FOXK1: variants seen among roughly 807,000 people sequenced by gnomAD.
The protein encoded by FOXK1 is forkhead box K1.
In FOXK1, 19 loss-of-function variants were observed where a neutral mutation model predicts 51.9. The ratio of observed to expected loss-of-function variants is 0.37; its 90% CI spans 0.26 to 0.54. FOXK1 has a LOEUF of 0.54. Ranked by LOEUF, FOXK1 falls within the 20% of genes least tolerant of loss-of-function variation. FOXK1 has a pLI of 0.87. For missense variants in FOXK1, 870 were observed against 1,032.7 expected (o/e 0.84, Z 2.16); for synonymous variants, 537 against 482.6 (o/e 1.11, Z -1.48).
At chr7:4,716,498 C>T (rs1321867003) in intron 1 of FOXK1, among the ~76,000 whole-genome samples, 1 of 152,060 alleles carries the variant, frequency 6.6e-6, no homozygotes, top group East Asian at 1.9e-4. Context: ...ACAGCAAGGC[C>T]CTGTGTCCCA....
rs1780111663 is a variant in FOXK1 at position 4,707,110 on chromosome 7, G to T, written c.560+24242G>T. ...ATGGCCACCTTCCAGTCTTAGAGAA[G>T]CAGCGATGTCTCCCCTCCGGGTTTC... is the stretch of plus-strand genomic sequence containing the variant. On this transcript the variant is annotated intron_variant, in intron 1 of 8. Coordinates refer to ENST00000328914, the MANE Select transcript of FOXK1 (RefSeq NM_001037165.2). This position sits in a 1 kb window ranked among gnomAD's most constrained non-coding sequence, Gnocchi z 4.1. 6.6e-6 allele frequency among the ~76,000 whole-genome samples: 1 copy of T among 152,254 alleles called. No homozygotes were observed. Among genetic ancestry groups the T allele is most frequent in the Non-Finnish European group, 1.5e-5 (1 of 68,050 alleles).
In FOXK1 at chr7:4,762,498, C is replaced by G; in HGVS notation, c.*34C>G. ...GCAACGCGGGGGAGTGGGACTCACC[C>G]AGCGGCGACCCCGAAGCTGGACCCG... On this transcript the variant is annotated 3_prime_UTR_variant, in exon 9 of 9. Coordinates refer to ENST00000328914, the MANE Select transcript of FOXK1 (RefSeq NM_001037165.2). This position sits in a 1 kb window ranked among gnomAD's most constrained non-coding sequence, Gnocchi z 5.7. The G allele has an allele frequency of 1.3e-6, 2 of 1,517,164 alleles. No homozygotes were observed. Among genetic ancestry groups the G allele is most frequent in the Non-Finnish European group, 1.8e-6 (2 of 1,126,488 alleles). 94.0% of individuals were successfully genotyped at this position (1,517,164 alleles called of 1,614,324 possible).
At chr7:4,688,420 A>T (rs1779848067) in intron 1 of FOXK1, among the ~76,000 whole-genome samples, 1 of 148,218 alleles carries the variant, frequency 6.7e-6, no homozygotes, top group East Asian at 2.0e-4. Flanking sequence ...TTTTTTTTTG[A>T]GACGGAGTCT....
At chr7:4,684,443 C>A (rs1439171561) in intron 1 of FOXK1, among the ~76,000 whole-genome samples, 1 of 152,168 alleles carries the variant, frequency 6.6e-6, no homozygotes, top group Non-Finnish European at 1.5e-5. Flanking sequence ...ATGACTCACT[C>A]CCCCTTGGGG....
chr7:4,724,270 A>T (rs970412875), intron 1 of FOXK1, among the ~76,000 whole-genome samples: 6 of 152,110 alleles, frequency 3.9e-5, no homozygotes, highest in African/African-American at 1.2e-4. Flanking sequence ...ATCTCGGCTC[A>T]CTGCAACCTC....
chr7:4,737,086 G>A (rs1346458095), intron 1 of FOXK1, among the ~76,000 whole-genome samples: 5 of 151,816 alleles, frequency 3.3e-5, no homozygotes, highest in Admixed American at 6.6e-5. Flanking sequence ...AATGTCTTAC[G>A]AAAAAACACC....
intron 1 of FOXK1, among the ~76,000 whole-genome samples, chr7:4,716,253 G>T (rs1328505671): frequency 6.7e-6 from 1 of 150,306 alleles, no homozygotes; most frequent in African/African-American, 2.4e-5. Context: ...AAGAAAGAAA[G>T]AAATACAGAC....
chr7:4,693,792 C>G (rs2115030944), intron 1 of FOXK1, among the ~76,000 whole-genome samples: 1 of 152,144 alleles, frequency 6.6e-6, no homozygotes, highest in Non-Finnish European at 1.5e-5. Flanking sequence ...GCCTTGAACT[C>G]CTAGGCTCAA....
chr7:4,698,304 A>ATGTG (rs202005759), intron 1 of FOXK1, among the ~76,000 whole-genome samples: 2 of 150,610 alleles, frequency 1.3e-5, no homozygotes, highest in African/African-American at 4.9e-5. Context: ...TTATATATGT[A>ATGTG]TGTGTGTGTA....
intron 2 of FOXK1, among the ~76,000 whole-genome samples, chr7:4,744,812 G>A (rs968115413): frequency 2.0e-5 from 3 of 152,222 alleles, no homozygotes; most frequent in Non-Finnish European, 2.9e-5. Context: ...CTTTGAAACC[G>A]CCCTGTGCAA....
chr7:4,740,015 C>G (rs1780611361), intron 1 of FOXK1, among the ~76,000 whole-genome samples: 1 of 152,198 alleles, frequency 6.6e-6, no homozygotes, highest in African/African-American at 2.4e-5. Context: ...CAACTGACGG[C>G]TGGGCACAAT....
chr7:4,690,057 G>C (rs1190668255), intron 1 of FOXK1, among the ~76,000 whole-genome samples: 1 of 152,224 alleles, frequency 6.6e-6, no homozygotes, highest in African/African-American at 2.4e-5. Context: ...AAGGCGAAGG[G>C]AAGAGCTGTG....
Position 4,682,459 on chromosome 7 carries a change from G to T in FOXK1, c.151G>T (p.Gly51Trp). 1.0e-6 allele frequency: 1 copy of T among 982,520 alleles called. No individual in the cohort carries two copies. Among genetic ancestry groups the T allele is most frequent in the Non-Finnish European group, 1.2e-6 (1 of 830,162 alleles). The allele number at this position is 982,520 out of a possible 1,614,324, so 60.9% of individuals were successfully genotyped here. Residue 51 changes from glycine (G) to tryptophan (W), a missense_variant, in exon 1 of 9, where the codon GGG (glycine) becomes TGG (tryptophan). Physicochemically the swap from Gly to Trp is radical, Grantham distance 184 (BLOSUM62 -2). Around this residue, in one of 3 missense-constraint regions of FOXK1, gnomAD observed 399 missense variants for 475.6 expected, o/e 0.84. Transcript: ENST00000328914. The surrounding 1 kb of genome is among the most constrained non-coding windows in gnomAD (Gnocchi z 7.6). ...CCCCGCGCAGCCCCAGCCTCCGCCC[G>T]GGCCGCCGCCGCCGCCGCCACCGCC... ...PAPAQPQPPPGPPPPPPPPLP... is the reference protein window; with the variant it reads ...PAPAQPQPPPWPPPPPPPPLP...
Position 4,753,017 on chromosome 7 carries a change from A to T in FOXK1, c.747-1442A>T, listed in dbSNP as rs1780798914. ...GACTGTTTCCTACCTCGATCGAGCC[A>T]TTTGTGGGTGTTCATTTAAGTTTCG... On this transcript the variant is annotated intron_variant, in intron 2 of 8. Transcript: ENST00000328914. This position sits in a 1 kb window ranked among gnomAD's most constrained non-coding sequence, Gnocchi z 4.9. Among the ~76,000 whole-genome samples, 1 of 152,214 alleles carries T rather than the reference A, an allele frequency of 6.6e-6. No individual in the cohort carries two copies. Among genetic ancestry groups the T allele is most frequent in the Non-Finnish European group, 1.5e-5 (1 of 68,046 alleles).
At chr7:4,725,439 A>G (rs1203344774) in intron 1 of FOXK1, among the ~76,000 whole-genome samples, 1 of 152,174 alleles carries the variant, frequency 6.6e-6, no homozygotes, top group East Asian at 1.9e-4. Context: ...TTGTTGTCTC[A>G]GGAGCCCAGC....
At chr7:4,700,099 G>C (rs1780002930) in intron 1 of FOXK1, among the ~76,000 whole-genome samples, 1 of 152,194 alleles carries the variant, frequency 6.6e-6, no homozygotes. Flanking sequence ...CCGGTGCCTG[G>C]CTGAGCTTAG....
At position 4,761,323 on chromosome 7, in the gene FOXK1, C is replaced by T. The variant is rs1158486841; in HGVS notation, c.1921+35C>T. The T allele has an allele frequency of 1.3e-6, 2 of 1,586,346 alleles. No individual in the cohort carries two copies. The highest frequency in any genetic ancestry group is 1.7e-6 in the Non-Finnish European group (2 of 1,164,736). ...TGGCCCTGTTCTCCATGCCACATCC[C>T]AAGCTCTGTGGCTCCCAGTAGTCAG... On this transcript the variant is annotated intron_variant, in intron 8 of 8. Coordinates refer to ENST00000328914, the MANE Select transcript of FOXK1 (RefSeq NM_001037165.2). This position sits in a 1 kb window ranked among gnomAD's most constrained non-coding sequence, Gnocchi z 6.2.
chr7:4,715,605 T>C lies in FOXK1; in HGVS notation c.561-25233T>C, dbSNP rs1399761864. 6.6e-6 allele frequency among the ~76,000 whole-genome samples: 1 copy of C among 152,178 alleles called. No individual in the cohort carries two copies. Among genetic ancestry groups the C allele is most frequent in the African/African-American group, 2.4e-5 (1 of 41,446 alleles). ...TAGGATATTTTGAAATGCTCTGGTG[T>C]TGTGAAATACGGAACTTGGCGAGTT... On this transcript the variant is annotated intron_variant, in intron 1 of 8. Transcript: ENST00000328914. This position sits in a 1 kb window ranked among gnomAD's most constrained non-coding sequence, Gnocchi z 4.5.
chr7:4,745,685 C>T lies in FOXK1; in HGVS notation c.746+4662C>T, dbSNP rs1415861006. The stretch of plus-strand genomic sequence containing the variant: ...TTGGGAGGCTGAGGCAGGCGGATCA[C>T]CTGAGGTCAGGAGTTCGAGACCAGC... On this transcript the variant is annotated intron_variant, in intron 2 of 8. Transcript: ENST00000328914. This position sits in a 1 kb window ranked among gnomAD's most constrained non-coding sequence, Gnocchi z 4.3. Among the ~76,000 whole-genome samples the T allele has an allele frequency of 6.6e-6, 1 of 152,090 alleles. No homozygotes were observed. Among genetic ancestry groups the T allele is most frequent in the Non-Finnish European group, 1.5e-5 (1 of 68,030 alleles).
Sources: allele counts gnomAD v4.1 joint callset (sites outside exome capture counted in the v4.1 genomes callset), GRCh38; gene constraint gnomAD v4.1.1; regional missense constraint gnomAD v4.1.1; non-coding constraint Gnocchi (gnomAD v3.1); transcripts MANE v1.5; gene names NCBI Gene and HGNC (gene_info 2026-07-23, HGNC 2026-07-21).